MRTFA: variants seen among roughly 807,000 people sequenced by gnomAD.
The protein encoded by MRTFA is myocardin related transcription factor A, also known as myocardin-related transcription factor A.
In MRTFA, 20 loss-of-function variants were observed where a neutral mutation model predicts 83.5. That is an observed-to-expected ratio of 0.24 (90% CI 0.17 to 0.35). MRTFA has a LOEUF of 0.35. MRTFA is among the 10% of genes least tolerant of loss of function. MRTFA has a pLI of 1.00. For synonymous variants in MRTFA, 659 were observed against 541.2 expected, an observed-to-expected ratio of 1.22 and a Z score of -3.02; for missense variants, 1,200 against 1,224.7, an observed-to-expected ratio of 0.98 and a Z score of 0.30.
chr22:40,530,916 A>C (rs1317125898), intron 3 of MRTFA, among the ~76,000 whole-genome samples: 4 of 152,246 alleles, frequency 2.6e-5, no homozygotes, highest in Admixed American at 2.6e-4. Flanking sequence ...TTATCAGGGA[A>C]AGTATGACAA....
Position 40,417,492 on chromosome 22 carries a change from G to A in MRTFA, c.2366C>T (p.Pro789Leu). 1 of 1,561,924 alleles carries A rather than the reference G, an allele frequency of 6.4e-7. No individual in the cohort carries two copies. The highest frequency in any genetic ancestry group is 2.3e-5 in the East Asian group (1 of 43,072). The change falls in exon 13 of 15, where the codon CCC (proline) becomes CTC (leucine). Residue 789 changes from proline to leucine, a missense_variant and splice_region_variant. By Grantham distance (98) the Pro-to-Leu change is moderately conservative. This residue lies in a region of MRTFA where 1,107 missense variants were observed against 1,041.8 expected (regional missense o/e 1.06). Coordinates refer to ENST00000355630, the MANE Select transcript of MRTFA (RefSeq NM_020831.6). Reference sequence around the variant, plus strand: ...CGCTGGAGAGCCAGGCTGGGACGAGGGCTGGACAGGAGAGCAGGGAGAGGA... The same window carrying A: ...CGCTGGAGAGCCAGGCTGGGACGAGAGCTGGACAGGAGAGCAGGGAGAGGA...
At chr22:40,441,191 G>A (rs1043637434) in intron 4 of MRTFA, among the ~76,000 whole-genome samples, 1 of 152,190 alleles carries the variant, frequency 6.6e-6, no homozygotes, top group Non-Finnish European at 1.5e-5. Context: ...GAGCTCTTGT[G>A]TGGCTTTGTG....
At chr22:40,537,007 G>C (rs1222064834) in intron 3 of MRTFA, among the ~76,000 whole-genome samples, 1 of 65,486 alleles carries the variant, frequency 1.5e-5, no homozygotes, top group African/African-American at 7.4e-5. Context: ...CGTCCGGGAG[G>C]GAGGTGGGGG....
At chr22:40,459,862 T>TATATACAC (rs796103400) in intron 4 of MRTFA, among the ~76,000 whole-genome samples, 10 of 121,498 alleles carry the variant, frequency 8.2e-5, no homozygotes, top group South Asian at 5.4e-4. Flanking sequence ...TATATATATA[T>TATATACAC]ACACACATGA....
At chr22:40,493,000 T>C (rs957765287) in intron 3 of MRTFA, among the ~76,000 whole-genome samples, 1 of 152,208 alleles carries the variant, frequency 6.6e-6, no homozygotes, top group African/African-American at 2.4e-5. Context: ...TCAGAGATAA[T>C]ATATTGGCAC....
chr22:40,419,052 C>G lies in MRTFA; in HGVS notation c.1686G>C (p.Leu562=). The G allele has an allele frequency of 6.2e-7, 1 of 1,611,454 alleles. No homozygotes were observed. Among genetic ancestry groups the G allele is most frequent in the Non-Finnish European group, 8.5e-7 (1 of 1,179,392 alleles). ...TGGAGTTTTCATCGCCCGTGCTGAG[C>G]AGTGAGCGCTCCGAGGGGGTGGGAG... Residue 562 remains leucine, a synonymous_variant, in exon 12 of 15, where the codon CTG becomes CTC. Coordinates refer to ENST00000355630, the MANE Select transcript of MRTFA (RefSeq NM_020831.6).
intron 4 of MRTFA, among the ~76,000 whole-genome samples, chr22:40,456,238 T>C (rs1396470303): frequency 6.6e-6 from 1 of 152,134 alleles, no homozygotes; most frequent in East Asian, 1.9e-4. Context: ...AAAAATTACT[T>C]ATAATTTTTA....
rs1175701513 is a variant in MRTFA at position 40,411,753 on chromosome 22, A to G, written c.2733T>C (p.Pro911=). 1 of 1,542,966 alleles carries G rather than the reference A, an allele frequency of 6.5e-7. No homozygotes were observed. The highest frequency in any genetic ancestry group is 2.3e-5 in the East Asian group (1 of 43,832). Residue 911 remains proline (P), a synonymous_variant, in exon 15 of 15, where the codon CCT becomes CCC. Transcript: ENST00000355630. ...TCTCCAGGAAGTCCTCCAGGCGTCC[A>G]GGGAGGGAGGGTGAGCCTGGAGGAG... is the stretch of plus-strand genomic sequence containing the variant.
intron 3 of MRTFA, among the ~76,000 whole-genome samples, chr22:40,491,273 T>TG (rs1387781879): frequency 1.3e-5 from 2 of 151,644 alleles, no homozygotes; most frequent in Non-Finnish European, 2.9e-5. Context: ...GCCCAGGAGG[T>TG]GGAGGTTGCA....
At chr22:40,505,289 A>G (rs900288980) in intron 3 of MRTFA, among the ~76,000 whole-genome samples, 1 of 152,222 alleles carries the variant, frequency 6.6e-6, no homozygotes, top group Admixed American at 6.5e-5. Flanking sequence ...AAAATTATCT[A>G]TGAGTCTTAT....
rs1340702032 is a variant in MRTFA, at chr22:40,416,221, C to G, written c.2578+765G>C. ...CCTTGGCTGTTCCTTCCCTCTCCCC[C>G]CACTTCATCCATAAAGACACCAACC... On this transcript the variant is annotated intron_variant, in intron 14 of 14. Coordinates refer to ENST00000355630, the MANE Select transcript of MRTFA (RefSeq NM_020831.6). This position sits in a 1 kb window ranked among gnomAD's most constrained non-coding sequence, Gnocchi z 4.2. Among the ~76,000 whole-genome samples, 1 of 152,230 alleles carries G rather than the reference C, an allele frequency of 6.6e-6. No individual in the cohort carries two copies. Among genetic ancestry groups the G allele is most frequent in the East Asian group, 1.9e-4 (1 of 5,192 alleles).
intron 2 of MRTFA, among the ~76,000 whole-genome samples, chr22:40,566,223 A>AT (rs372874080): frequency 0.1 from 14,611 of 143,072 alleles, 1,267 homozygotes; most frequent in Admixed American, 0.29. Context: ...CTGATTTATC[A>AT]TTTTTTTTTT....
chr22:40,437,361 T>C (rs1054286969), intron 4 of MRTFA, among the ~76,000 whole-genome samples: 1 of 152,048 alleles, frequency 6.6e-6, no homozygotes, highest in Non-Finnish European at 1.5e-5. Flanking sequence ...AGACAGTAAG[T>C]ACAAAGAATC....
chr22:40,612,184 T>C (rs942867404), intron 1 of MRTFA, among the ~76,000 whole-genome samples: 2 of 152,250 alleles, frequency 1.3e-5, no homozygotes, highest in African/African-American at 4.8e-5. Context: ...TGTAAATACA[T>C]ATGGTAGATA....
chr22:40,472,308 A>G (rs1460146148), intron 3 of MRTFA, among the ~76,000 whole-genome samples: 3 of 152,244 alleles, frequency 2.0e-5, no homozygotes, highest in Non-Finnish European at 2.9e-5. Flanking sequence ...AGCTTACTTT[A>G]TATGGAGAAA....
chr22:40,547,962 T>C (rs986856991), intron 3 of MRTFA, among the ~76,000 whole-genome samples: 4 of 152,066 alleles, frequency 2.6e-5, no homozygotes, highest in African/African-American at 7.2e-5. Flanking sequence ...TTGAAGAGTT[T>C]TGAGAGTAGC....
rs6001914 is a variant in MRTFA at position 40,441,793 on chromosome 22, A to G, written c.308-6239T>C. Reference sequence around the variant, plus strand: ...CAGAGCAAGACTCCATCTCGGGGGGAAAAAATATATACATGTATGTATGTG... The same window carrying G: ...CAGAGCAAGACTCCATCTCGGGGGGGAAAAATATATACATGTATGTATGTG... On this transcript the variant is annotated intron_variant, in intron 4 of 14. Coordinates refer to ENST00000355630, the MANE Select transcript of MRTFA (RefSeq NM_020831.6). 2.5e-3 allele frequency among the ~76,000 whole-genome samples: 379 copies of G among 151,116 alleles called. 4 individuals carry two copies. The highest frequency in any genetic ancestry group is 0.014 in the Middle Eastern group (4 of 294).
intron 3 of MRTFA, among the ~76,000 whole-genome samples, chr22:40,492,551 TCAGAACCAAAAGGCTTCTGC>T (rs1569295191): frequency 6.6e-6 from 1 of 152,194 alleles, no homozygotes; most frequent in Non-Finnish European, 1.5e-5. Context: ...GTTTCTCTGC[TCAGAACCAAAAGGCTTCTGC>T]CAGACAAGCA....
rs747478707 is a variant in MRTFA, at chr22:40,421,074, C to A, written c.954G>T (p.Glu318Asp). 1.9e-6 allele frequency: 3 copies of A among 1,538,614 alleles called. No individual in the cohort carries two copies. Among genetic ancestry groups the A allele is most frequent in the Non-Finnish European group, 2.6e-6 (3 of 1,140,076 alleles). ...TGGCCTTCTTGCTGCGCTGTGACTT[C>A]TCACTGGCAGACTTGGGTTGGCTTT... is the stretch of plus-strand genomic sequence containing the variant. Residue 318 changes from glutamate (E) to aspartate (D), a missense_variant, in exon 10 of 15, where the codon GAG (glutamate) becomes GAT (aspartate). Around this residue, in one of 2 missense-constraint regions of MRTFA, gnomAD observed 1,107 missense variants for 1,041.8 expected, o/e 1.06. Transcript: ENST00000355630.
Sources: allele counts gnomAD v4.1 joint callset (sites outside exome capture counted in the v4.1 genomes callset), GRCh38; gene constraint gnomAD v4.1.1; regional missense constraint gnomAD v4.1.1; non-coding constraint Gnocchi (gnomAD v3.1); transcripts MANE v1.5; gene names NCBI Gene and HGNC (gene_info 2026-07-23, HGNC 2026-07-21).